Variants in LRRC4C observed in about 807,000 individuals in gnomAD.
The protein encoded by LRRC4C is leucine-rich repeat-containing protein 4C.
A neutral mutation model predicts 33.6 loss-of-function variants in LRRC4C; 5 were observed. The observed-to-expected ratio is 0.15, with a 90% CI of 0.08 to 0.31. The LOEUF (loss-of-function observed/expected upper bound fraction) is 0.31. Among genes scored for constraint, LRRC4C ranks in the 10% least tolerant of loss-of-function variants. The pLI, the probability that LRRC4C is intolerant of heterozygous loss-of-function variation, is 1.00. For synonymous variants in LRRC4C, 329 were observed against 302.0 expected, an observed-to-expected ratio of 1.09 and a Z score of -0.93; for missense variants, 560 against 796.7, an observed-to-expected ratio of 0.70 and a Z score of 3.58.
chr11:40,674,755 C>T (rs1277318961), intron 2 of LRRC4C, among the ~76,000 whole-genome samples: 1 of 151,988 alleles, frequency 6.6e-6, no homozygotes, highest in African/African-American at 2.4e-5. Flanking sequence ...TAAAATCAAG[C>T]CTCATATGCA....
At chr11:40,269,244 A>G (rs1429694743) in intron 4 of LRRC4C, among the ~76,000 whole-genome samples, 1 of 152,194 alleles carries the variant, frequency 6.6e-6, no homozygotes. Context: ...TATTTAGCTT[A>G]AACAGTGTTC....
chr11:41,264,612 T>G (rs535786618), intron 1 of LRRC4C, among the ~76,000 whole-genome samples: 2 of 152,124 alleles, frequency 1.3e-5, no homozygotes, highest in Admixed American at 1.3e-4. Flanking sequence ...AATTGTACCA[T>G]AGACACTTGA....
chr11:40,671,058 T>C (rs1944079976), intron 2 of LRRC4C, among the ~76,000 whole-genome samples: 7 of 152,198 alleles, frequency 4.6e-5, no homozygotes, highest in Admixed American at 1.3e-4. Flanking sequence ...CCACTGCGCC[T>C]GGCCAAGAAG....
At chr11:41,319,131 G>C (rs957197125) in intron 1 of LRRC4C, among the ~76,000 whole-genome samples, 3 of 152,070 alleles carry the variant, frequency 2.0e-5, no homozygotes, top group Non-Finnish European at 4.4e-5. Context: ...ACTTCCATGA[G>C]AACCTAAAGC....
intron 2 of LRRC4C, among the ~76,000 whole-genome samples, chr11:40,799,768 C>T (rs944695892): frequency 2.0e-5 from 3 of 152,300 alleles, no homozygotes; most frequent in Admixed American, 6.5e-5. Flanking sequence ...TACATCTGGT[C>T]GTAGTATAGT....
intron 2 of LRRC4C, among the ~76,000 whole-genome samples, chr11:40,654,861 T>G (rs920768080): frequency 1.3e-5 from 2 of 152,164 alleles, no homozygotes; most frequent in Non-Finnish European, 2.9e-5. Flanking sequence ...GATAATTGAA[T>G]CATGGTGGTG....
Position 40,582,513 on chromosome 11 carries a change from GTTT to G in LRRC4C, c.-270+65626_-270+65628del, listed in dbSNP as rs35497785. 4.9e-3 allele frequency among the ~76,000 whole-genome samples: 570 copies of G among 115,548 alleles called. 3 individuals are homozygous for G. Among genetic ancestry groups the G allele is most frequent in the African/African-American group, 0.015 (477 of 30,844 alleles). The allele number at this position is 115,548 out of a possible 152,430, so 75.8% of individuals were successfully genotyped here. A position where few individuals can be genotyped will look rare whatever the true frequency, so the allele number is the denominator to read the frequency against. Reference sequence around the variant, plus strand: ...CGTACTTATTTCTCTCCCTTGTTCAGTTTTTTTTTTTTTTTTTTTTTTAATGGA... The same window carrying G: ...CGTACTTATTTCTCTCCCTTGTTCAGTTTTTTTTTTTTTTTTTTTAATGGA... On this transcript the variant is annotated intron_variant, in intron 3 of 6. Transcript: ENST00000528697.
In LRRC4C at chr11:40,676,493, AG is replaced by A. The variant is rs149237870; in HGVS notation, c.-406-28216del. Among the ~76,000 whole-genome samples the A allele has an allele frequency of 7.4e-3, 1,133 of 152,300 alleles. 23 individuals are homozygous for A. Among genetic ancestry groups the A allele is most frequent in the African/African-American group, 0.026 (1,088 of 41,562 alleles). ...TTTGGGGCAGTTCCAATTATTGGAA[AG>A]GGTGTTTTATTCTGTTTCATTTCCT... On this transcript the variant is annotated intron_variant, in intron 2 of 6. Transcript: ENST00000528697.
intron 3 of LRRC4C, among the ~76,000 whole-genome samples, chr11:40,388,953 G>A (rs1307750732): frequency 6.6e-6 from 1 of 152,102 alleles, no homozygotes; most frequent in Non-Finnish European, 1.5e-5. Flanking sequence ...TGTAATATTA[G>A]TCACGTGTTC....
In LRRC4C at chr11:40,494,171, C is replaced by G. The variant is rs1393011246; in HGVS notation, c.-270+153971G>C. ...TTCAGGCTGAGGGGTGGTAATGGCT[C>G]TCCAGTATTGGTCCTCTAGGAAACT... On this transcript the variant is annotated intron_variant, in intron 3 of 6. Transcript: ENST00000528697. Among the ~76,000 whole-genome samples, 2 of 152,258 alleles carry G rather than the reference C, an allele frequency of 1.3e-5. 1 individual carries two copies. Among genetic ancestry groups the G allele is most frequent in the African/African-American group, 4.8e-5 (2 of 41,544 alleles).
At chr11:41,368,338 C>G (rs1034323483) in intron 1 of LRRC4C, among the ~76,000 whole-genome samples, 1 of 152,194 alleles carries the variant, frequency 6.6e-6, no homozygotes, top group African/African-American at 2.4e-5. Context: ...TCTTTCTCAG[C>G]TCTTCTTTGT....
chr11:41,217,401 G>A (rs961740570), intron 1 of LRRC4C, among the ~76,000 whole-genome samples: 3 of 151,990 alleles, frequency 2.0e-5, no homozygotes, highest in African/African-American at 7.3e-5. Context: ...GAAACCAAGA[G>A]GAATACCCCT....
At chr11:41,180,186 C>T (rs1044044175) in intron 1 of LRRC4C, among the ~76,000 whole-genome samples, 5 of 151,970 alleles carry the variant, frequency 3.3e-5, no homozygotes, top group African/African-American at 7.3e-5. Context: ...AAGGTCAATG[C>T]GACTAGAGCA....
chr11:41,013,975 G>A (rs1308511940), intron 1 of LRRC4C, among the ~76,000 whole-genome samples: 3 of 152,058 alleles, frequency 2.0e-5, no homozygotes, highest in Non-Finnish European at 4.4e-5. Flanking sequence ...AGCCATGAGG[G>A]ATCCACCCCC....
chr11:41,318,639 T>C (rs1204513394), intron 1 of LRRC4C, among the ~76,000 whole-genome samples: 1 of 152,252 alleles, frequency 6.6e-6, no homozygotes, highest in Non-Finnish European at 1.5e-5. Context: ...ACTGGTGACC[T>C]TCCCTTGAAC....
At chr11:40,228,460 C>A (rs1864968682) in intron 5 of LRRC4C, among the ~76,000 whole-genome samples, 1 of 151,814 alleles carries the variant, frequency 6.6e-6, no homozygotes, top group Admixed American at 6.6e-5. Flanking sequence ...AAAAAAAAAT[C>A]TCTCCTAAGG....
At chr11:40,472,453 C>A in intron 3 of LRRC4C, among the ~76,000 whole-genome samples, 1 of 69,250 alleles carries the variant, frequency 1.4e-5, no homozygotes, top group East Asian at 8.3e-4. Flanking sequence ...TGGGACACAG[C>A]TAAAGAAGTG....
chr11:41,168,210 G>A (rs1944816263), intron 1 of LRRC4C, among the ~76,000 whole-genome samples: 2 of 152,124 alleles, frequency 1.3e-5, no homozygotes, highest in African/African-American at 2.4e-5. Flanking sequence ...ATGACCACCA[G>A]GCCAGCTGCT....
chr11:41,079,585 C>T (rs1939412496), intron 1 of LRRC4C, among the ~76,000 whole-genome samples: 1 of 152,024 alleles, frequency 6.6e-6, no homozygotes, highest in African/African-American at 2.4e-5. Context: ...GACACTATGT[C>T]CCTATCAGTG....
Sources: gnomAD v4.1 joint callset for allele counts (sites outside exome capture counted in the v4.1 genomes callset) on GRCh38, gnomAD v4.1.1 for gene constraint, MANE v1.5 for transcripts, NCBI Gene and HGNC (gene_info 2026-07-23, HGNC 2026-07-21) for gene names.